TANC1: variants seen among roughly 807,000 people sequenced by gnomAD.
TANC1 encodes protein TANC1.
A neutral mutation model predicts 149.7 loss-of-function variants in TANC1; 77 were observed. The observed-to-expected ratio is 0.51, with a 90% confidence interval of 0.43 to 0.62. The LOEUF is 0.62. Ranked by LOEUF, TANC1 falls within the 20% of genes least tolerant of loss-of-function variation. TANC1 has a pLI of 0.00. For synonymous variants in TANC1, 854 were observed against 925.0 expected (o/e 0.92, Z 1.39); for missense variants, 1,985 against 2,321.8 (o/e 0.85, Z 2.98).
intron 2 of TANC1, among the ~76,000 whole-genome samples, chr2:159,034,322 CCT>C (rs2040011980): frequency 6.6e-6 from 1 of 152,148 alleles, no homozygotes; most frequent in African/African-American, 2.4e-5. Flanking sequence ...TTTGCTTTTC[CCT>C]CTCTCCCCTG....
chr2:159,091,420 T>C (rs995755620), intron 3 of TANC1, among the ~76,000 whole-genome samples: 2 of 152,254 alleles, frequency 1.3e-5, no homozygotes, highest in African/African-American at 2.4e-5. Flanking sequence ...GCATTTATTT[T>C]AAATTGCACC....
intron 4 of TANC1, among the ~76,000 whole-genome samples, chr2:159,112,089 A>G (rs371084394): frequency 4.1e-4 from 62 of 151,646 alleles, no homozygotes; most frequent in Middle Eastern, 3.4e-3. Flanking sequence ...TTTTTACAAA[A>G]TAATTCACTT....
chr2:159,122,007 G>A (rs952920252), intron 4 of TANC1, among the ~76,000 whole-genome samples: 1 of 152,100 alleles, frequency 6.6e-6, no homozygotes, highest in Non-Finnish European at 1.5e-5. Flanking sequence ...GCAGGATCAC[G>A]GCTCACTGCA....
chr2:159,165,941 G>A (rs1411204282), intron 8 of TANC1, among the ~76,000 whole-genome samples: 1 of 152,234 alleles, frequency 6.6e-6, no homozygotes, highest in Admixed American at 6.5e-5. Context: ...TGTTAACCAT[G>A]TAGTACAGTG....
chr2:159,145,607 C>T (rs750474410), intron 5 of TANC1, among the ~76,000 whole-genome samples: 43 of 152,136 alleles, frequency 2.8e-4, no homozygotes, highest in South Asian at 4.2e-4. Flanking sequence ...TGATGGCAGT[C>T]GGGAGCTGGT....
At chr2:159,110,874 C>T (rs576201455) in intron 4 of TANC1, among the ~76,000 whole-genome samples, 1 of 152,182 alleles carries the variant, frequency 6.6e-6, no homozygotes, top group Admixed American at 6.5e-5. Flanking sequence ...TTCTGGCAAG[C>T]ATGTGTCGTC....
At chr2:159,127,283 G>A (rs1252090713) in intron 4 of TANC1, among the ~76,000 whole-genome samples, 1 of 152,214 alleles carries the variant, frequency 6.6e-6, no homozygotes, top group Non-Finnish European at 1.5e-5. Flanking sequence ...ATGTCAGTCG[G>A]AATGGCGGTT....
chr2:159,077,591 C>T (rs1390440642), intron 3 of TANC1, among the ~76,000 whole-genome samples: 1 of 152,158 alleles, frequency 6.6e-6, no homozygotes, highest in African/African-American at 2.4e-5. Flanking sequence ...TATAATACAT[C>T]TTATTCTGTA....
intron 4 of TANC1, 38 bp from the exon 5 acceptor site, chr2:159,136,156 G>T (rs374148214): frequency 8.0e-7 from 1 of 1,256,964 alleles, no homozygotes; most frequent in Non-Finnish European, 1.2e-6. Context: ...GTTTGCATCT[G>T]GAAAAAATTA....
At chr2:159,190,712 C>T (rs1004056112) in intron 16 of TANC1, among the ~76,000 whole-genome samples, 4 of 152,086 alleles carry the variant, frequency 2.6e-5, no homozygotes, top group Non-Finnish European at 5.9e-5. Flanking sequence ...CCACCGCAAC[C>T]AGCTAATTTT....
intron 4 of TANC1, among the ~76,000 whole-genome samples, chr2:159,109,392 C>T (rs1345527628): frequency 1.3e-5 from 2 of 152,162 alleles, no homozygotes; most frequent in African/African-American, 4.8e-5. Flanking sequence ...GAAACTGTAA[C>T]CTCTAATTAG....
At chr2:158,980,375 A>C (rs186051879) in intron 1 of TANC1, among the ~76,000 whole-genome samples, 6 of 152,130 alleles carry the variant, frequency 3.9e-5, no homozygotes, top group Non-Finnish European at 8.8e-5. Context: ...AATCGCAGAC[A>C]TCATGTAATT....
chr2:159,005,070 A>G (rs1574068311), intron 2 of TANC1, among the ~76,000 whole-genome samples: 2 of 152,102 alleles, frequency 1.3e-5, no homozygotes, highest in East Asian at 1.9e-4. Flanking sequence ...CACTCATGCT[A>G]TTGTTTGTGG....
chr2:159,067,003 A>T (rs1030501430), intron 3 of TANC1, among the ~76,000 whole-genome samples: 3 of 152,292 alleles, frequency 2.0e-5, no homozygotes, highest in East Asian at 1.9e-4. Flanking sequence ...CTGTAAACCC[A>T]TGTTAATCCA....
rs1427682323 is a variant in TANC1 at position 159,150,361 on chromosome 2, A to G, written c.496-9A>G. ...GCCGTGCTAACTCCTCCTTCCATTC[A>G]TCTTGCAGTGCACAGCTCTGAGTCA... On this transcript the variant is annotated splice_polypyrimidine_tract_variant and intron_variant, in intron 6 of 26. Transcript: ENST00000263635. 1 of 1,612,964 alleles carries G rather than the reference A, an allele frequency of 6.2e-7. No homozygotes were observed. Among genetic ancestry groups the G allele is most frequent in the African/African-American group, 1.3e-5 (1 of 74,966 alleles).
At chr2:159,168,435 G>A (rs1182986539) in intron 8 of TANC1, among the ~76,000 whole-genome samples, 2 of 151,708 alleles carry the variant, frequency 1.3e-5, no homozygotes, top group Non-Finnish European at 2.9e-5. Flanking sequence ...AAGTAGCTGG[G>A]ATTTCAGAGA....
chr2:159,172,989 C>T (rs865995066), intron 11 of TANC1, among the ~76,000 whole-genome samples: 22 of 152,108 alleles, frequency 1.4e-4, no homozygotes, highest in African/African-American at 4.6e-4. Flanking sequence ...CACCAGATCC[C>T]CGTCCCTTCT....
intron 14 of TANC1, among the ~76,000 whole-genome samples, chr2:159,181,355 G>T (rs2056453529): frequency 6.6e-6 from 1 of 151,766 alleles, no homozygotes; most frequent in African/African-American, 2.4e-5. Flanking sequence ...GAGTGCAGTG[G>T]TGTGATCTCA....
intron 2 of TANC1, among the ~76,000 whole-genome samples, chr2:159,038,333 A>G (rs1032366581): frequency 2.0e-5 from 3 of 152,196 alleles, no homozygotes; most frequent in Non-Finnish European, 2.9e-5. Context: ...TTCCTAATCA[A>G]ATACCCTTTA....
Sources: allele counts gnomAD v4.1 joint callset (sites outside exome capture counted in the v4.1 genomes callset), GRCh38; gene constraint gnomAD v4.1.1; transcripts MANE v1.5; gene names NCBI Gene and HGNC (gene_info 2026-07-23, HGNC 2026-07-21).